Variants in KCNQ3 observed in about 807,000 individuals in gnomAD.
KCNQ3 encodes the protein potassium voltage-gated channel subfamily Q member 3.
KCNQ3 carries 30 observed loss-of-function variants against 92.5 expected under a neutral mutation model. That is an observed-to-expected ratio of 0.32 (90% CI 0.24 to 0.44). KCNQ3 has a LOEUF of 0.44. Ranked by LOEUF, KCNQ3 falls within the 20% of genes least tolerant of loss-of-function variation. The probability of loss-of-function intolerance (pLI) is 1.00; values close to 1 mark genes in which losing one functional copy is unlikely to be tolerated. For missense variants in KCNQ3, 913 were observed against 1,140.3 expected (o/e 0.80, Z 2.87); for synonymous variants, 450 against 468.8 (o/e 0.96, Z 0.52).
At chr8:132,140,742 T>C in intron 10 of KCNQ3, 1 of 300,358 alleles carries the variant, frequency 3.3e-6, no homozygotes, top group Non-Finnish European at 6.4e-6. Context: ...TCCTACAGCC[T>C]CCAGAGGGCG....
intron 1 of KCNQ3, among the ~76,000 whole-genome samples, chr8:132,207,705 CTT>C (rs11341211): frequency 1.6e-4 from 24 of 146,246 alleles, no homozygotes; most frequent in Admixed American, 5.5e-4. Flanking sequence ...ACATCTCAGA[CTT>C]TTTTTTTTTT....
chr8:132,373,351 A>G (rs1260216914), intron 1 of KCNQ3, among the ~76,000 whole-genome samples: 1 of 152,202 alleles, frequency 6.6e-6, no homozygotes, highest in East Asian at 1.9e-4. Context: ...CCCACTGTGA[A>G]AATTACATGA....
intron 1 of KCNQ3, among the ~76,000 whole-genome samples, chr8:132,194,833 G>A (rs1000134825): frequency 2.6e-5 from 4 of 152,146 alleles, no homozygotes; most frequent in East Asian, 1.9e-4. Context: ...ATCAGAGTTC[G>A]GAGTGATTTG....
At chr8:132,171,488 C>A (rs762877044) in intron 7 of KCNQ3, among the ~76,000 whole-genome samples, 3 of 152,212 alleles carry the variant, frequency 2.0e-5, no homozygotes, top group Non-Finnish European at 4.4e-5. Flanking sequence ...AGAGGAAACA[C>A]TTCTGCCTCT....
At chr8:132,303,278 C>T (rs1372485176) in intron 1 of KCNQ3, among the ~76,000 whole-genome samples, 1 of 151,912 alleles carries the variant, frequency 6.6e-6, no homozygotes, top group Non-Finnish European at 1.5e-5. Context: ...TTCTTTGTAC[C>T]TACTATGTGT....
chr8:132,447,249 G>C (rs1188217988), intron 1 of KCNQ3: 4 of 1,535,458 alleles, frequency 2.6e-6, no homozygotes, highest in Admixed American at 3.9e-5. Flanking sequence ...GCAAGAACAA[G>C]ATTTTTAACA....
In KCNQ3 at chr8:132,445,404, G is replaced by A. The variant is rs532478683; in HGVS notation, c.386+34743C>T. ...CCCGCCTCTCTCCTCCAGACTCTGC[G>A]TTCACTGTGGGCAGGGACACATTAG... On this transcript the variant is annotated intron_variant, in intron 1 of 14. Transcript: ENST00000388996. Among the ~76,000 whole-genome samples the A allele has an allele frequency of 7.2e-5, 11 of 152,268 alleles. No homozygotes were observed. The East Asian group carries it at 1.2e-3, about 16-fold the overall frequency.
rs779775348 is a variant in KCNQ3 at position 132,274,701 on chromosome 8, G to C, written c.387-88520C>G. Reference sequence around the variant, plus strand: ...AGACATACCTGTCTTCAAGGAACATGACCTTCAGTAGCAGAGATATGTCAA... The same window carrying C: ...AGACATACCTGTCTTCAAGGAACATCACCTTCAGTAGCAGAGATATGTCAA... On this transcript the variant is annotated intron_variant, in intron 1 of 14. Coordinates refer to ENST00000388996, the MANE Select transcript of KCNQ3 (RefSeq NM_004519.4). Among the ~76,000 whole-genome samples the C allele has an allele frequency of 5.9e-5, 9 of 152,172 alleles. 1 individual carries two copies. Among genetic ancestry groups the C allele is most frequent in the African/African-American group, 1.2e-4 (5 of 41,448 alleles).
intron 3 of KCNQ3, among the ~76,000 whole-genome samples, chr8:132,182,801 C>T (rs1489245689): frequency 2.6e-5 from 4 of 151,240 alleles, no homozygotes; most frequent in South Asian, 2.1e-4. Context: ...GAAAGAAAAG[C>T]GGGGATTAGA....
chr8:132,312,365 A>G (rs1230319478), intron 1 of KCNQ3, among the ~76,000 whole-genome samples: 1 of 152,184 alleles, frequency 6.6e-6, no homozygotes, highest in African/African-American at 2.4e-5. Context: ...GTCATTTCCA[A>G]TCTTTTCAGC....
chr8:132,465,013 A>G (rs1822139750), intron 1 of KCNQ3, among the ~76,000 whole-genome samples: 2 of 152,326 alleles, frequency 1.3e-5, no homozygotes, highest in Middle Eastern at 3.4e-3. Context: ...GTCAAACAAG[A>G]TATGTTCAAG....
At chr8:132,446,186 G>A (rs993731471) in intron 1 of KCNQ3, among the ~76,000 whole-genome samples, 1 of 152,186 alleles carries the variant, frequency 6.6e-6, no homozygotes, top group Admixed American at 6.5e-5. Flanking sequence ...TAACGGCCCT[G>A]CAGTGGCTTC....
Position 132,134,282 on chromosome 8 carries a change from G to A in KCNQ3, c.1799+8C>T. On this transcript the variant is annotated splice_region_variant and intron_variant, in intron 13 of 14. Coordinates refer to ENST00000388996, the MANE Select transcript of KCNQ3 (RefSeq NM_004519.4). ...CCTGGCCCATCAGTCCATGTCCACT[G>A]GCCCCACCTGGGAGATTGCTGGGAT... The A allele has an allele frequency of 6.2e-7, 1 of 1,608,256 alleles. No individual in the cohort carries two copies. Among genetic ancestry groups the A allele is most frequent in the South Asian group, 1.1e-5 (1 of 90,946 alleles).
chr8:132,178,613 G>A (rs1826647477), intron 4 of KCNQ3, among the ~76,000 whole-genome samples: 1 of 152,060 alleles, frequency 6.6e-6, no homozygotes, highest in African/African-American at 2.4e-5. Flanking sequence ...AGGTGGCAGA[G>A]CTGAATTTTG....
At chr8:132,162,658 C>T (rs1826026020) in intron 9 of KCNQ3, among the ~76,000 whole-genome samples, 1 of 152,194 alleles carries the variant, frequency 6.6e-6, no homozygotes, top group Non-Finnish European at 1.5e-5. Flanking sequence ...TGAAAACACA[C>T]CCAAAGGAAA....
intron 1 of KCNQ3, among the ~76,000 whole-genome samples, chr8:132,213,874 C>A (rs1813944100): frequency 6.6e-6 from 1 of 152,192 alleles, no homozygotes; most frequent in South Asian, 2.1e-4. Context: ...AGAAATTTGT[C>A]ATGAGTGCAG....
At chr8:132,184,450 A>T in intron 2 of KCNQ3, 83 bp from the exon 3 acceptor site, 1 of 1,549,008 alleles carries the variant, frequency 6.5e-7, no homozygotes, top group South Asian at 1.1e-5. Flanking sequence ...GGAAGTTCTG[A>T]AGAACTCCAT....
chr8:132,283,489 T>C lies in KCNQ3; in HGVS notation c.387-97308A>G, dbSNP rs1167144700. ...AACAAATGTGATGTATTTGTTTCCA[T>C]ATGTTCTGCATTTTGCTGGCAGAGA... On this transcript the variant is annotated intron_variant, in intron 1 of 14. Transcript: ENST00000388996. 2.6e-5 allele frequency among the ~76,000 whole-genome samples: 4 copies of C among 152,246 alleles called. No homozygotes were observed. In the East Asian group the frequency reaches 7.7e-4, roughly 29 times the overall value.
intron 1 of KCNQ3, among the ~76,000 whole-genome samples, chr8:132,415,012 A>T (rs1182443984): frequency 6.6e-6 from 1 of 152,202 alleles, no homozygotes; most frequent in Non-Finnish European, 1.5e-5. Flanking sequence ...CTTGGCAGTT[A>T]TCGTGTCACT....
Sources: allele counts gnomAD v4.1 joint callset (sites outside exome capture counted in the v4.1 genomes callset), GRCh38; gene constraint gnomAD v4.1.1; transcripts MANE v1.5; gene names NCBI Gene and HGNC (gene_info 2026-07-23, HGNC 2026-07-21).